The following TOP1 variants were observed in gnomAD, a reference collection of about 807,000 sequenced individuals.
TOP1 encodes the protein DNA topoisomerase I.
In TOP1, 10 loss-of-function variants were observed where a neutral mutation model predicts 111.1. The observed-to-expected ratio is 0.09, with a 90% CI of 0.06 to 0.15. The LOEUF is 0.15. Among genes scored for constraint, TOP1 ranks in the 10% least tolerant of loss-of-function variants. The pLI is 1.00. For missense variants in TOP1, 474 were observed against 926.7 expected, an observed-to-expected ratio of 0.51 and a Z score of 6.34; for synonymous variants, 271 against 302.9, an observed-to-expected ratio of 0.89 and a Z score of 1.10.
At chr20:41,045,997 G>A (rs942124172) in intron 2 of TOP1, among the ~76,000 whole-genome samples, 4 of 152,142 alleles carry the variant, frequency 2.6e-5, no homozygotes, top group Admixed American at 6.5e-5. Flanking sequence ...CCACTATGAG[G>A]ACCACTGTCA....
chr20:41,055,854 C>A (rs2033463772), intron 2 of TOP1, among the ~76,000 whole-genome samples: 1 of 152,170 alleles, frequency 6.6e-6, no homozygotes, highest in Non-Finnish European at 1.5e-5. Flanking sequence ...TCTTACTATG[C>A]CTTAACACAA....
intron 2 of TOP1, among the ~76,000 whole-genome samples, chr20:41,052,390 CTCATGTAATT>C (rs1169757756): frequency 1.3e-5 from 2 of 152,168 alleles, no homozygotes; most frequent in Admixed American, 6.5e-5. Flanking sequence ...ATTTCTTCCC[CTCATGTAATT>C]TGTGTATTTG....
chr20:41,061,133 A>G lies in TOP1; in HGVS notation c.59-261A>G, dbSNP rs1223595387. Among the ~76,000 whole-genome samples the G allele has an allele frequency of 6.6e-6, 1 of 152,164 alleles. No homozygotes were observed. Among genetic ancestry groups the G allele is most frequent in the Non-Finnish European group, 1.5e-5 (1 of 68,020 alleles). ...TTATGTCTAGGGAGAAAAACGCCAAACTGTGGCTTCTTTCCACAGAATAAT... is the reference window on the plus strand; with the variant it reads ...TTATGTCTAGGGAGAAAAACGCCAAGCTGTGGCTTCTTTCCACAGAATAAT... On this transcript the variant is annotated intron_variant, in intron 2 of 20. Coordinates refer to ENST00000361337, the MANE Select transcript of TOP1 (RefSeq NM_003286.4). The surrounding 1 kb of genome is among the most constrained non-coding windows in gnomAD (Gnocchi z 4.6).
intron 2 of TOP1, among the ~76,000 whole-genome samples, chr20:41,060,553 A>G (rs1263214477): frequency 6.6e-6 from 1 of 152,182 alleles, no homozygotes. Flanking sequence ...TTCTGAGATG[A>G]TGGACTTGTT....
At chr20:41,075,390 C>G (rs2033714916) in intron 3 of TOP1, among the ~76,000 whole-genome samples, 1 of 152,208 alleles carries the variant, frequency 6.6e-6, no homozygotes, top group African/African-American at 2.4e-5. Flanking sequence ...CCGGGATGGT[C>G]TCAGTCTCCT....
At chr20:41,103,784 C>A (rs910417071) in intron 13 of TOP1, among the ~76,000 whole-genome samples, 2 of 152,118 alleles carry the variant, frequency 1.3e-5, no homozygotes, top group African/African-American at 4.8e-5. Context: ...ACTTTATTTT[C>A]TCTATTAGAA....
chr20:41,112,247 G>T lies in TOP1; in HGVS notation c.1309-535G>T, dbSNP rs1406784671. On this transcript the variant is annotated intron_variant, in intron 13 of 20. Coordinates refer to ENST00000361337, the MANE Select transcript of TOP1 (RefSeq NM_003286.4). The surrounding 1 kb of genome is among the most constrained non-coding windows in gnomAD (Gnocchi z 5.8). ...TAATGGAATTCACTTAGATTTAATG[G>T]AATTCAGTCCTGGTAGAAAACTGCT... 2.0e-5 allele frequency among the ~76,000 whole-genome samples: 3 copies of T among 152,156 alleles called. No individual in the cohort carries two copies. Among genetic ancestry groups the T allele is most frequent in the African/African-American group, 7.2e-5 (3 of 41,440 alleles).
rs16989520 is a variant in TOP1, at chr20:41,061,981, A to G, written c.155+491A>G. ...CCTGGAGAGACTATTTGTAGCTTTC[A>G]TCATGTTATCAGAGGAGTTCGGCTC... On this transcript the variant is annotated intron_variant, in intron 3 of 20. Transcript: ENST00000361337. This position sits in a 1 kb window ranked among gnomAD's most constrained non-coding sequence, Gnocchi z 4.6. Among the ~76,000 whole-genome samples the G allele has an allele frequency of 4.8e-3, 734 of 152,306 alleles. 2 individuals are homozygous for G. Among genetic ancestry groups the G allele is most frequent in the African/African-American group, 0.017 (703 of 41,568 alleles).
intron 2 of TOP1, among the ~76,000 whole-genome samples, chr20:41,038,464 A>T (rs1361490624): frequency 6.6e-6 from 1 of 152,170 alleles, no homozygotes; most frequent in Non-Finnish European, 1.5e-5. Context: ...GTACAAAGGG[A>T]ACATCTTTAC....
In TOP1 at chr20:41,092,407, A is replaced by G. The variant is rs1167750912; in HGVS notation, c.615-65A>G. On this transcript the variant is annotated intron_variant, in intron 8 of 20. Transcript: ENST00000361337. This position sits in a 1 kb window ranked among gnomAD's most constrained non-coding sequence, Gnocchi z 4.3. The stretch of plus-strand genomic sequence containing the variant: ...TGAGCGGATAATTATTTGGCATTTA[A>G]TCAGTGATGATCCCCATGTTAGACA... The G allele has an allele frequency of 5.4e-6, 4 of 741,408 alleles. No individual in the cohort carries two copies. Among genetic ancestry groups the G allele is most frequent in the Non-Finnish European group, 8.9e-6 (4 of 450,616 alleles). 45.9% of individuals were successfully genotyped at this position (741,408 alleles called of 1,614,324 possible). A position where few individuals can be genotyped will look rare whatever the true frequency, so the allele number is the denominator to read the frequency against.
chr20:41,100,164 C>T lies in TOP1; in HGVS notation c.1084C>T (p.Arg362Cys), dbSNP rs1171906901. 6.2e-7 allele frequency: 1 copy of T among 1,613,976 alleles called. No individual in the cohort carries two copies. Among genetic ancestry groups the T allele is most frequent in the Non-Finnish European group, 8.5e-7 (1 of 1,179,930 alleles). ...NFKIEPPGLF[R>C]GRGNHPKMGM... ...CAAGATAGAGCCTCCTGGACTTTTC[C>T]GTGGCCGCGGCAACCACCCCAAGAT... The change falls in exon 12 of 21, where the codon CGT becomes TGT. Residue 362 changes from arginine to cysteine, a missense_variant. Transcript: ENST00000361337. The surrounding 1 kb of genome is among the most constrained non-coding windows in gnomAD (Gnocchi z 4.4).
chr20:41,061,294 T>C lies in TOP1; in HGVS notation c.59-100T>C. Reference sequence around the variant, plus strand: ...ATGTGCTATTATGCCTACCATGCCATTTGAATCCTGTCATTGTACTTCTTG... The same window carrying C: ...ATGTGCTATTATGCCTACCATGCCACTTGAATCCTGTCATTGTACTTCTTG... On this transcript the variant is annotated intron_variant, in intron 2 of 20. Coordinates refer to ENST00000361337, the MANE Select transcript of TOP1 (RefSeq NM_003286.4). The surrounding 1 kb of genome is among the most constrained non-coding windows in gnomAD (Gnocchi z 4.6). The C allele has an allele frequency of 4.3e-6, 5 of 1,170,928 alleles. No individual in the cohort carries two copies. Among genetic ancestry groups the C allele is most frequent in the Non-Finnish European group, 6.1e-6 (5 of 815,302 alleles). 72.5% of individuals were successfully genotyped at this position (1,170,928 alleles called of 1,614,324 possible). A position where few individuals can be genotyped will look rare whatever the true frequency, so the allele number is the denominator to read the frequency against.
intron 6 of TOP1, 32 bp from the exon 7 acceptor site, chr20:41,081,133 T>C (rs1429922208): frequency 3.2e-6 from 5 of 1,571,596 alleles, no homozygotes; most frequent in South Asian, 1.2e-5. Context: ...ATCATAATTA[T>C]GTTAACTGTG....
chr20:41,055,560 G>T (rs2033460158), intron 2 of TOP1, among the ~76,000 whole-genome samples: 1 of 152,126 alleles, frequency 6.6e-6, no homozygotes, highest in African/African-American at 2.4e-5. Flanking sequence ...GCTCAGGCTG[G>T]TCCATCATTT....
intron 5 of TOP1, 106 bp downstream of exon 5, chr20:41,077,743 C>T: frequency 9.8e-7 from 1 of 1,019,032 alleles, no homozygotes; most frequent in Non-Finnish European, 1.5e-6. Flanking sequence ...CTGACCTGGC[C>T]ATCTTGATGG....
rs1402877992 is a variant in TOP1, at chr20:41,083,056, A to G, written c.508-1406A>G. 2.0e-5 allele frequency among the ~76,000 whole-genome samples: 3 copies of G among 152,002 alleles called. No homozygotes were observed. The highest frequency in any genetic ancestry group is 6.6e-5 in the Admixed American group (1 of 15,240). On this transcript the variant is annotated intron_variant, in intron 7 of 20. Coordinates refer to ENST00000361337, the MANE Select transcript of TOP1 (RefSeq NM_003286.4). This position sits in a 1 kb window ranked among gnomAD's most constrained non-coding sequence, Gnocchi z 7.2. ...TGTCATTAAACCTCACTCGCCAACT[A>G]TAGTTTTTTTGTTTTTTGTTTTTTT...
At chr20:41,068,770 T>C (rs1185028381) in intron 3 of TOP1, among the ~76,000 whole-genome samples, 2 of 152,234 alleles carry the variant, frequency 1.3e-5, no homozygotes, top group Admixed American at 6.5e-5. Context: ...GCTTGTAGGA[T>C]CTCACGAGCT....
At chr20:41,086,593 G>T (rs1015727118) in intron 8 of TOP1, among the ~76,000 whole-genome samples, 2 of 152,226 alleles carry the variant, frequency 1.3e-5, no homozygotes, top group Non-Finnish European at 2.9e-5. Flanking sequence ...GTCCAGCCTT[G>T]TATGTGTAGA....
intron 2 of TOP1, among the ~76,000 whole-genome samples, chr20:41,042,901 A>G (rs368678920): frequency 6.6e-6 from 1 of 152,376 alleles, no homozygotes; most frequent in Non-Finnish European, 1.5e-5. Context: ...TTTACCATTT[A>G]TTAAGTGAAA....
Sources: gnomAD v4.1 joint callset for allele counts (sites outside exome capture counted in the v4.1 genomes callset) on GRCh38, gnomAD v4.1.1 for gene constraint, Gnocchi (gnomAD v3.1) non-coding constraint, MANE v1.5 for transcripts, NCBI Gene and HGNC (gene_info 2026-07-23, HGNC 2026-07-21) for gene names.